CAMTA1: variants seen among roughly 807,000 people sequenced by gnomAD.
CAMTA1 encodes the protein calmodulin binding transcription activator 1, also known as calmodulin-binding transcription activator 1.
In CAMTA1, 27 loss-of-function variants were observed where a neutral mutation model predicts 170.9. That is an observed-to-expected ratio of 0.16 (90% CI 0.12 to 0.22). The LOEUF (loss-of-function observed/expected upper bound fraction) is 0.22, where lower values mean the gene tolerates loss of function less well. CAMTA1 is among the 10% of genes least tolerant of loss of function. CAMTA1 has a pLI of 1.00. For synonymous variants in CAMTA1, 833 were observed against 891.5 expected, an observed-to-expected ratio of 0.93 and a Z score of 1.17; for missense variants, 1,619 against 2,217.2, an observed-to-expected ratio of 0.73 and a Z score of 5.42.
At chr1:7,200,149 A>C (rs1656383264) in intron 4 of CAMTA1, among the ~76,000 whole-genome samples, 1 of 152,194 alleles carries the variant, frequency 6.6e-6, no homozygotes, top group Non-Finnish European at 1.5e-5. Flanking sequence ...TATATACTTA[A>C]TTATTCTCTG....
chr1:7,240,319 C>G (rs889951379), intron 4 of CAMTA1, among the ~76,000 whole-genome samples: 1 of 152,022 alleles, frequency 6.6e-6, no homozygotes, highest in Non-Finnish European at 1.5e-5. Context: ...TTCTCCTTTT[C>G]TTTTTTTATT....
At chr1:6,940,948 AG>A (rs375035151) in intron 3 of CAMTA1, among the ~76,000 whole-genome samples, 59 of 2,716 alleles carry the variant, frequency 0.022, 1 homozygote, top group African/African-American at 0.068. Flanking sequence ...CCTCAGGGGG[AG>A]GGGGGATCCT....
chr1:7,611,695 C>T (rs774510713), intron 6 of CAMTA1, among the ~76,000 whole-genome samples: 4 of 152,242 alleles, frequency 2.6e-5, no homozygotes, highest in Admixed American at 6.5e-5. Flanking sequence ...TACTGTACCT[C>T]CCAGGCTCAG....
chr1:7,602,047 G>A (rs1223786151), intron 6 of CAMTA1, among the ~76,000 whole-genome samples: 1 of 148,908 alleles, frequency 6.7e-6, no homozygotes, highest in Non-Finnish European at 1.5e-5. Context: ...AGGGAGAGGA[G>A]GGAGAGGGAG....
In CAMTA1 at chr1:6,811,514, C is replaced by T. The variant is rs368927409; in HGVS notation, c.46-8667C>T. Among the ~76,000 whole-genome samples the T allele has an allele frequency of 8.9e-4, 135 of 152,204 alleles. 1 individual carries two copies. The highest frequency in any genetic ancestry group is 3.1e-3 in the African/African-American group (129 of 41,534). ...GTTTAAAAAAACAATCTCACCTTGC[C>T]GTTGCCTGTCACTCTTTTGCTTCTG... On this transcript the variant is annotated intron_variant, in intron 1 of 22. Coordinates refer to ENST00000303635, the MANE Select transcript of CAMTA1 (RefSeq NM_015215.4).
chr1:7,152,208 C>T (rs889920331), intron 4 of CAMTA1, among the ~76,000 whole-genome samples: 10 of 152,206 alleles, frequency 6.6e-5, no homozygotes, highest in African/African-American at 1.7e-4. Flanking sequence ...TCACAGCCTC[C>T]GCCATGGGAA....
At chr1:6,858,489 G>GGGC (rs1483878243) in intron 3 of CAMTA1, among the ~76,000 whole-genome samples, 2 of 146,408 alleles carry the variant, frequency 1.4e-5, no homozygotes, top group Admixed American at 1.4e-4. Context: ...TGTGTGTTGG[G>GGGC]GGGGGGGTGT....
intron 5 of CAMTA1, among the ~76,000 whole-genome samples, chr1:7,323,008 T>TTCCC (rs1169492199): frequency 2.3e-5 from 3 of 131,996 alleles, no homozygotes; most frequent in Non-Finnish European, 3.2e-5. Context: ...TCCCCTTCCC[T>TTCCC]TCCCTCCCTC....
chr1:7,609,721 C>G lies in CAMTA1; in HGVS notation c.511-30679C>G, dbSNP rs564289502. Among the ~76,000 whole-genome samples the G allele has an allele frequency of 4.6e-5, 7 of 152,322 alleles. No homozygotes were observed. In the East Asian group the frequency reaches 1.4e-3, roughly 29 times the overall value. ...TCTCTTCCACCCACAGGTGGTGTGA[C>G]CTTGAGCAGGTCACTTTGCTTCTCT... is the stretch of plus-strand genomic sequence containing the variant. On this transcript the variant is annotated intron_variant, in intron 6 of 22. Transcript: ENST00000303635. The surrounding 1 kb of genome is among the most constrained non-coding windows in gnomAD (Gnocchi z 4.4).
chr1:7,035,667 C>T (rs1703482606), intron 3 of CAMTA1, among the ~76,000 whole-genome samples: 1 of 152,198 alleles, frequency 6.6e-6, no homozygotes, highest in African/African-American at 2.4e-5. Flanking sequence ...GTTCTGACCT[C>T]TCTGTCTCCC....
chr1:7,253,978 C>A (rs1177448906), intron 5 of CAMTA1, among the ~76,000 whole-genome samples: 1 of 151,986 alleles, frequency 6.6e-6, no homozygotes, highest in African/African-American at 2.4e-5. Context: ...ATCATGCAAC[C>A]CTGATGCAGG....
intron 6 of CAMTA1, among the ~76,000 whole-genome samples, chr1:7,572,207 C>A (rs534126824): frequency 1.3e-5 from 2 of 152,216 alleles, no homozygotes; most frequent in Admixed American, 1.3e-4. Flanking sequence ...GCTTGTAAAT[C>A]TGTTTATGTT....
chr1:7,043,725 C>G (rs935953156), intron 3 of CAMTA1, among the ~76,000 whole-genome samples: 4 of 152,120 alleles, frequency 2.6e-5, no homozygotes, highest in African/African-American at 7.2e-5. Flanking sequence ...AAGCTGTTTT[C>G]GTCTTCGGTG....
chr1:7,611,541 G>A (rs376696209), intron 6 of CAMTA1, among the ~76,000 whole-genome samples: 9 of 152,186 alleles, frequency 5.9e-5, no homozygotes, highest in South Asian at 2.1e-4. Flanking sequence ...AGCCTGACCC[G>A]GGTGGGTGTG....
rs567743239 is a variant in CAMTA1, at chr1:6,826,368, G to A, written c.234+1158G>A. ...ACAGAATGTTTTTGCTTTGACAAAT[G>A]TTTGCTAGTTTAGAGGCCTGCTGTT... On this transcript the variant is annotated intron_variant, in intron 3 of 22. Coordinates refer to ENST00000303635, the MANE Select transcript of CAMTA1 (RefSeq NM_015215.4). Among the ~76,000 whole-genome samples the A allele has an allele frequency of 1.3e-4, 20 of 152,284 alleles. No individual in the cohort carries two copies. In the South Asian group the frequency reaches 1.9e-3, roughly 14 times the overall value.
intron 12 of CAMTA1, among the ~76,000 whole-genome samples, chr1:7,734,237 G>A (rs1468519045): frequency 1.3e-5 from 2 of 152,132 alleles, no homozygotes; most frequent in East Asian, 1.9e-4. Context: ...ATAAGCCACC[G>A]TGCCCGGCCG....
intron 1 of CAMTA1, among the ~76,000 whole-genome samples, chr1:6,792,409 T>C (rs1641373794): frequency 6.6e-6 from 1 of 151,960 alleles, no homozygotes; most frequent in Admixed American, 6.6e-5. Context: ...ATCCTTCTGC[T>C]TTGAACACCA....
chr1:6,929,139 A>ATTCT (rs1683900747), intron 3 of CAMTA1, among the ~76,000 whole-genome samples: 4 of 152,218 alleles, frequency 2.6e-5, no homozygotes, highest in Non-Finnish European at 4.4e-5. Context: ...TACTCTTAGA[A>ATTCT]TAAAGAACAG....
chr1:6,799,062 G>A lies in CAMTA1; in HGVS notation c.45+13487G>A, dbSNP rs115266397. Among the ~76,000 whole-genome samples the A allele has an allele frequency of 2.1e-3, 315 of 151,754 alleles. 5 individuals are homozygous for A. The East Asian group carries it at 0.052, about 25-fold the overall frequency. On this transcript the variant is annotated intron_variant, in intron 1 of 22. Coordinates refer to ENST00000303635, the MANE Select transcript of CAMTA1 (RefSeq NM_015215.4). ...CTATTTATTTATTATTTATTTATTC[G>A]TTACTTATTATTAATTAAAAAAATT...
Sources: gnomAD v4.1 joint callset for allele counts (sites outside exome capture counted in the v4.1 genomes callset) on GRCh38, gnomAD v4.1.1 for gene constraint, Gnocchi (gnomAD v3.1) non-coding constraint, MANE v1.5 for transcripts, NCBI Gene and HGNC (gene_info 2026-07-23, HGNC 2026-07-21) for gene names.